Variants in MDGA1 observed in about 807,000 individuals in gnomAD.
The protein encoded by MDGA1 is MAM domain-containing glycosylphosphatidylinositol anchor protein 1.
Under a neutral mutation model 101.5 loss-of-function variants are expected in MDGA1, and 54 were observed. The ratio of observed to expected loss-of-function variants is 0.53; its 90% CI spans 0.43 to 0.67. The LOEUF is 0.67. Ranked by LOEUF, MDGA1 falls within the 30% of genes least tolerant of loss-of-function variation. MDGA1 has a pLI of 0.00. For missense variants in MDGA1, 1,083 were observed against 1,323.8 expected, an observed-to-expected ratio of 0.82 and a Z score of 2.82; for synonymous variants, 533 against 558.3, an observed-to-expected ratio of 0.95 and a Z score of 0.64.
In MDGA1 at chr6:37,630,865, C is replaced by T. The variant is rs182522670; in HGVS notation, c.*6503G>A. ...CAGCTGGGATGGTCAGCCAGAGCCC[C>T]TCCAGCATGACGGTCTCAGAGCAAC... is the stretch of plus-strand genomic sequence containing the variant. On this transcript the variant is annotated 3_prime_UTR_variant, in exon 17 of 17. Coordinates refer to ENST00000434837, the MANE Select transcript of MDGA1 (RefSeq NM_153487.4). 1.3e-5 allele frequency: 2 copies of T among 152,310 alleles called. No individual in the cohort carries two copies. The highest frequency in any genetic ancestry group is 2.1e-4 in the South Asian group (1 of 4,832). The allele number at this position is 152,310 out of a possible 1,614,324, so 9.4% of individuals were successfully genotyped here.
At chr6:37,656,100 A>G (rs1255042625) in intron 3 of MDGA1, among the ~76,000 whole-genome samples, 7 of 145,628 alleles carry the variant, frequency 4.8e-5, no homozygotes, top group Non-Finnish European at 9.0e-5. Flanking sequence ...TTCTTTTGAG[A>G]CAGAGTCTTG....
rs35643390 is a variant in MDGA1 at position 37,686,432 on chromosome 6, C to CTTT, written c.67+10310_67+10312dup. Among the ~76,000 whole-genome samples, 1,184 of 143,166 alleles carry CTTT rather than the reference C, an allele frequency of 8.3e-3. 19 individuals are homozygous for CTTT. Among genetic ancestry groups the CTTT allele is most frequent in the African/African-American group, 0.029 (1,101 of 38,476 alleles). The allele number at this position is 143,166 out of a possible 152,430, so 93.9% of individuals were successfully genotyped here. On this transcript the variant is annotated intron_variant, in intron 1 of 16. Transcript: ENST00000434837. The stretch of plus-strand genomic sequence containing the variant: ...TAATGGGTATGTTGTGCAACCTGGG[C>CTTT]TTTTTTTTTTTGAGATGGAGTTTCA...
At chr6:37,666,227 G>C (rs1414771546) in intron 1 of MDGA1, among the ~76,000 whole-genome samples, 1 of 151,586 alleles carries the variant, frequency 6.6e-6, no homozygotes, top group South Asian at 2.1e-4. Context: ...AGGCATGGTG[G>C]TGCGTACCTG....
intron 1 of MDGA1, among the ~76,000 whole-genome samples, chr6:37,684,308 G>A (rs1258575508): frequency 6.6e-6 from 1 of 152,196 alleles, no homozygotes; most frequent in Non-Finnish European, 1.5e-5. Context: ...CAAGGGCGGG[G>A]GAAGCCCTGA....
In MDGA1 at chr6:37,677,765, C is replaced by A. The variant is rs113956624; in HGVS notation, c.68-13659G>T. Among the ~76,000 whole-genome samples, 13 of 152,256 alleles carry A rather than the reference C, an allele frequency of 8.5e-5. 1 individual carries two copies. Among genetic ancestry groups the A allele is most frequent in the African/African-American group, 3.1e-4 (13 of 41,540 alleles). ...TGTTGCAGCTTGAGAGCTGGTGGGG[C>A]CTTGGCCCATAGCAGCACAGAAAGG... On this transcript the variant is annotated intron_variant, in intron 1 of 16. Coordinates refer to ENST00000434837, the MANE Select transcript of MDGA1 (RefSeq NM_153487.4).
chr6:37,647,335 G>C lies in MDGA1; in HGVS notation c.1895-11C>G. On this transcript the variant is annotated splice_polypyrimidine_tract_variant and intron_variant, in intron 9 of 16. Coordinates refer to ENST00000434837, the MANE Select transcript of MDGA1 (RefSeq NM_153487.4). ...GGCTGTAGGCTTTGGCTAAGAGGGC[G>C]GGGAGGGGGGCATTGGGCCGTGGAG... The C allele has an allele frequency of 6.6e-7, 1 of 1,520,500 alleles. No homozygotes were observed. The highest frequency in any genetic ancestry group is 8.9e-7 in the Non-Finnish European group (1 of 1,126,522). 94.2% of individuals were successfully genotyped at this position (1,520,500 alleles called of 1,614,324 possible).
At chr6:37,678,180 C>T (rs1762021699) in intron 1 of MDGA1, among the ~76,000 whole-genome samples, 1 of 152,262 alleles carries the variant, frequency 6.6e-6, no homozygotes, top group Admixed American at 6.5e-5. Context: ...TCCTCACCCC[C>T]TACACTTGTA....
intron 1 of MDGA1, among the ~76,000 whole-genome samples, chr6:37,665,252 C>T (rs1561853365): frequency 6.6e-6 from 1 of 152,136 alleles, no homozygotes; most frequent in Non-Finnish European, 1.5e-5. Flanking sequence ...CCTAACTTCA[C>T]AGGTTCTGCT....
chr6:37,638,627 A>G lies in MDGA1; in HGVS notation c.2577T>C (p.Ala859=), dbSNP rs1182759120. Residue 859 remains alanine (A), a synonymous_variant, in exon 15 of 17, where the codon GCT becomes GCC. Transcript: ENST00000434837. The surrounding 1 kb of genome is among the most constrained non-coding windows in gnomAD (Gnocchi z 4.8). ...NLLVRSRNKG[A]LDTHAWSLSG... Reference sequence around the variant, plus strand: ...TGAGAGACCAGGCGTGCGTGTCCAGAGCCCCTTTGTTCCGGGACCGCACCA... The same window carrying G: ...TGAGAGACCAGGCGTGCGTGTCCAGGGCCCCTTTGTTCCGGGACCGCACCA... 6.2e-7 allele frequency: 1 copy of G among 1,613,724 alleles called. No individual in the cohort carries two copies. Among genetic ancestry groups the G allele is most frequent in the Non-Finnish European group, 8.5e-7 (1 of 1,179,830 alleles).
rs539284125 is a variant in MDGA1, at chr6:37,690,606, G to A, written c.67+6139C>T. 5.9e-5 allele frequency among the ~76,000 whole-genome samples: 9 copies of A among 152,062 alleles called. No individual in the cohort carries two copies. The East Asian group carries it at 9.6e-4, about 16-fold the overall frequency. On this transcript the variant is annotated intron_variant, in intron 1 of 16. Transcript: ENST00000434837. Reference sequence around the variant, plus strand: ...ATCCTGGCTAACATGGTGAAACCCCGTCTCTACTAAAAATATAAAAATTAG... The same window carrying A: ...ATCCTGGCTAACATGGTGAAACCCCATCTCTACTAAAAATATAAAAATTAG...
At chr6:37,646,039 G>T in intron 11 of MDGA1, 83 bp from the exon 12 acceptor site, 1 of 1,596,998 alleles carries the variant, frequency 6.3e-7, no homozygotes, top group Non-Finnish European at 8.6e-7. Context: ...CAGAGGACAG[G>T]GTCCTCAGAG....
intron 11 of MDGA1, 34 bp from the exon 12 acceptor site, chr6:37,645,990 T>A (rs758348573): frequency 6.2e-7 from 1 of 1,613,774 alleles, no homozygotes; most frequent in Non-Finnish European, 8.5e-7. Context: ...AAGTCAGAAC[T>A]GAGGTGTGGG....
chr6:37,635,394 A>G lies in MDGA1; in HGVS notation c.*1974T>C, dbSNP rs1160409020. 7 of 398,084 alleles carry G rather than the reference A, an allele frequency of 1.8e-5. No individual in the cohort carries two copies. The allele number at this position is 398,084 out of a possible 1,614,324, so 24.7% of individuals were successfully genotyped here. On this transcript the variant is annotated 3_prime_UTR_variant, in exon 17 of 17. Transcript: ENST00000434837. ...AGTTGGGGCAATGGACTCTGCACAG[A>G]TGGGACAGTTAAGGAACAATACCCG...
At chr6:37,688,137 C>T (rs530566884) in intron 1 of MDGA1, among the ~76,000 whole-genome samples, 3 of 152,326 alleles carry the variant, frequency 2.0e-5, no homozygotes, top group African/African-American at 7.2e-5. Flanking sequence ...CCAGGAAATG[C>T]CCTCAGAAAG....
intron 1 of MDGA1, among the ~76,000 whole-genome samples, chr6:37,668,839 TTCTC>T (rs369039755): frequency 1.3e-4 from 19 of 151,414 alleles, no homozygotes; most frequent in Non-Finnish European, 2.7e-4. Flanking sequence ...TTTTCTCTCT[TTCTC>T]TCTCTCTCTC....
chr6:37,693,294 GA>G (rs1310792158), intron 1 of MDGA1, among the ~76,000 whole-genome samples: 1 of 152,178 alleles, frequency 6.6e-6, no homozygotes, highest in East Asian at 1.9e-4. Flanking sequence ...CTCACTTCCT[GA>G]AATTCCTTCT....
At chr6:37,688,702 G>A (rs984831779) in intron 1 of MDGA1, among the ~76,000 whole-genome samples, 4 of 152,160 alleles carry the variant, frequency 2.6e-5, no homozygotes, top group Non-Finnish European at 5.9e-5. Context: ...CTCGTGAAAC[G>A]GAGTCCCCAT....
Position 37,697,566 on chromosome 6 carries a change from A to C in MDGA1, c.-755T>G, listed in dbSNP as rs1400592176. 1 of 152,160 alleles carries C rather than the reference A, an allele frequency of 6.6e-6. No homozygotes were observed. The highest frequency in any genetic ancestry group is 1.5e-5 in the Non-Finnish European group (1 of 68,030). 9.4% of individuals were successfully genotyped at this position (152,160 alleles called of 1,614,324 possible). A position where few individuals can be genotyped will look rare whatever the true frequency, so the allele number is the denominator to read the frequency against. ...AAGAAGGGCCCCAGAAAACGGGGAA[A>C]GGAGGAAAGTTTGAGTCTTTTGAAA... is the stretch of plus-strand genomic sequence containing the variant. On this transcript the variant is annotated 5_prime_UTR_variant, in exon 1 of 17. Coordinates refer to ENST00000434837, the MANE Select transcript of MDGA1 (RefSeq NM_153487.4).
intron 1 of MDGA1, among the ~76,000 whole-genome samples, chr6:37,674,784 G>A (rs574657882): frequency 9.2e-5 from 14 of 152,164 alleles, no homozygotes; most frequent in Non-Finnish European, 1.2e-4. Flanking sequence ...TGCTGGGCAC[G>A]GCGGCTCACA....
Sources: allele counts gnomAD v4.1 joint callset (sites outside exome capture counted in the v4.1 genomes callset), GRCh38; gene constraint gnomAD v4.1.1; non-coding constraint Gnocchi (gnomAD v3.1); transcripts MANE v1.5; gene names NCBI Gene and HGNC (gene_info 2026-07-23, HGNC 2026-07-21).